Variants in GULP1 observed in about 807,000 individuals in gnomAD.
GULP1 encodes the protein GULP PTB domain containing engulfment adaptor 1.
GULP1 carries 19 observed loss-of-function variants against 40.9 expected under a neutral mutation model. The observed-to-expected ratio is 0.46, with a 90% CI of 0.32 to 0.68. The LOEUF (loss-of-function observed/expected upper bound fraction) is 0.68. Ranked by LOEUF, GULP1 falls within the 30% of genes least tolerant of loss-of-function variation. The probability of loss-of-function intolerance (pLI) is 0.03; values close to 1 mark genes in which losing one functional copy is unlikely to be tolerated. For synonymous variants in GULP1, 119 were observed against 117.6 expected, an observed-to-expected ratio of 1.01 and a Z score of -0.08; for missense variants, 312 against 362.2, an observed-to-expected ratio of 0.86 and a Z score of 1.12.
At chr2:188,468,516 A>C (rs1301000045) in intron 2 of GULP1, among the ~76,000 whole-genome samples, 1 of 152,196 alleles carries the variant, frequency 6.6e-6, no homozygotes, top group Non-Finnish European at 1.5e-5. Flanking sequence ...TGTACTTGAT[A>C]CTAGAGAAGC....
chr2:188,497,233 A>C (rs2062985445), intron 4 of GULP1, among the ~76,000 whole-genome samples: 1 of 152,026 alleles, frequency 6.6e-6, no homozygotes, highest in Non-Finnish European at 1.5e-5. Context: ...AACTTTTGTA[A>C]TAAATTAACA....
chr2:188,324,813 A>G (rs2040510433), intron 1 of GULP1, among the ~76,000 whole-genome samples: 2 of 151,974 alleles, frequency 1.3e-5, no homozygotes, highest in South Asian at 4.1e-4. Flanking sequence ...TAGACACATC[A>G]TGATAAAACT....
At chr2:188,592,771 A>G (rs554119550) in intron 11 of GULP1, 1 of 152,264 alleles carries the variant, frequency 6.6e-6, no homozygotes, top group African/African-American at 2.4e-5. Flanking sequence ...AATTATTCTA[A>G]ATAAAAGTAA....
At chr2:188,493,116 G>A (rs563184750) in intron 4 of GULP1, among the ~76,000 whole-genome samples, 3 of 151,950 alleles carry the variant, frequency 2.0e-5, no homozygotes, top group Non-Finnish European at 4.4e-5. Flanking sequence ...CTCTATTTAC[G>A]AGACCTATGT....
chr2:188,575,363 A>C (rs879378062), intron 9 of GULP1, among the ~76,000 whole-genome samples: 2 of 152,300 alleles, frequency 1.3e-5, no homozygotes, highest in South Asian at 4.1e-4. Context: ...TTTGGTTTTT[A>C]CAGTTTATGT....
intron 7 of GULP1, among the ~76,000 whole-genome samples, chr2:188,542,577 A>T (rs1476508729): frequency 6.6e-6 from 1 of 152,162 alleles, no homozygotes; most frequent in Non-Finnish European, 1.5e-5. Flanking sequence ...AAGCTACTAG[A>T]TATCATAATA....
chr2:188,587,658 A>G (rs1273539069), intron 10 of GULP1, among the ~76,000 whole-genome samples, 197 bp from the exon 11 acceptor site: 1 of 152,174 alleles, frequency 6.6e-6, no homozygotes, highest in Non-Finnish European at 1.5e-5. Context: ...ACTTTTTAAT[A>G]TCATAAAATG....
intron 7 of GULP1, among the ~76,000 whole-genome samples, chr2:188,558,294 TG>T (rs1266917256): frequency 6.6e-6 from 1 of 152,178 alleles, no homozygotes; most frequent in African/African-American, 2.4e-5. Context: ...ACTATTCTCA[TG>T]GTAGTGAATA....
At chr2:188,309,669 C>T (rs2037738152) in intron 1 of GULP1, among the ~76,000 whole-genome samples, 1 of 151,854 alleles carries the variant, frequency 6.6e-6, no homozygotes, top group Admixed American at 6.6e-5. Flanking sequence ...TAGCTTAAGA[C>T]ATTGAGAGAA....
chr2:188,409,384 C>T (rs1251305657), intron 2 of GULP1, among the ~76,000 whole-genome samples: 1 of 152,084 alleles, frequency 6.6e-6, no homozygotes, highest in African/African-American at 2.4e-5. Context: ...TAGATATATT[C>T]AACCTACTTA....
chr2:188,365,685 G>A (rs1156403623), intron 1 of GULP1, among the ~76,000 whole-genome samples: 2 of 152,266 alleles, frequency 1.3e-5, no homozygotes, highest in African/African-American at 4.8e-5. Flanking sequence ...GAAAGGCACG[G>A]TAAAGATAGT....
intron 1 of GULP1, among the ~76,000 whole-genome samples, chr2:188,383,250 A>G (rs2152505660): frequency 6.6e-6 from 1 of 152,382 alleles, no homozygotes; most frequent in Admixed American, 6.5e-5. Context: ...TTAACCAATT[A>G]ACATATCTCT....
At chr2:188,367,167 G>C (rs1461033545) in intron 1 of GULP1, among the ~76,000 whole-genome samples, 1 of 152,130 alleles carries the variant, frequency 6.6e-6, no homozygotes, top group Non-Finnish European at 1.5e-5. Context: ...CATTATCCCT[G>C]ATATTCAATA....
intron 2 of GULP1, among the ~76,000 whole-genome samples, chr2:188,450,139 C>T (rs957820013): frequency 6.6e-6 from 1 of 152,068 alleles, no homozygotes; most frequent in Non-Finnish European, 1.5e-5. Flanking sequence ...TCACCAACAC[C>T]ATTAAGAAAG....
intron 1 of GULP1, among the ~76,000 whole-genome samples, chr2:188,303,506 G>A (rs2036504239): frequency 6.6e-6 from 1 of 152,170 alleles, no homozygotes; most frequent in Admixed American, 6.5e-5. Context: ...AAGAGAGTTG[G>A]TGAAACTGTA....
At chr2:188,362,478 G>A (rs1410647705) in intron 1 of GULP1, among the ~76,000 whole-genome samples, 1 of 152,026 alleles carries the variant, frequency 6.6e-6, no homozygotes, top group African/African-American at 2.4e-5. Flanking sequence ...ACCTGCACAT[G>A]TTTATAAACA....
At chr2:188,293,308 T>C (rs2034199607) in intron 1 of GULP1, 1 of 152,230 alleles carries the variant, frequency 6.6e-6, no homozygotes, top group African/African-American at 2.4e-5. Context: ...TTTGACAAAG[T>C]GTAATGCAGT....
At chr2:188,338,818 T>A (rs948221538) in intron 1 of GULP1, among the ~76,000 whole-genome samples, 4 of 152,176 alleles carry the variant, frequency 2.6e-5, no homozygotes, top group Admixed American at 2.0e-4. Flanking sequence ...AGAAGAATTG[T>A]TAAAAAGGTA....
intron 2 of GULP1, among the ~76,000 whole-genome samples, chr2:188,417,265 C>CA (rs1309635945): frequency 6.6e-6 from 1 of 152,174 alleles, no homozygotes; most frequent in African/African-American, 2.4e-5. Context: ...GCTTTTAAAG[C>CA]ATGGCTCATT....
Sources: allele counts gnomAD v4.1 joint callset (sites outside exome capture counted in the v4.1 genomes callset), GRCh38; gene constraint gnomAD v4.1.1; transcripts MANE v1.5; gene names NCBI Gene and HGNC (gene_info 2026-07-23, HGNC 2026-07-21).